VPS35: variants seen among roughly 807,000 people sequenced by gnomAD.
VPS35 encodes the protein VPS35 retromer complex component.
Under a neutral mutation model 98.1 loss-of-function variants are expected in VPS35, and 21 were observed. The observed-to-expected ratio is 0.21, with a 90% confidence interval of 0.15 to 0.31. The LOEUF (loss-of-function observed/expected upper bound fraction) is 0.31. VPS35 is among the 10% of genes least tolerant of loss of function. The probability of loss-of-function intolerance (pLI) is 1.00; values close to 1 mark genes in which losing one functional copy is unlikely to be tolerated. For synonymous variants in VPS35, 268 were observed against 318.2 expected (o/e 0.84, Z 1.68); for missense variants, 554 against 950.8 (o/e 0.58, Z 5.49).
chr16:46,663,564 A>AGGGGCGGGGTTTCACCAAGT (rs754782966), intron 13 of VPS35, among the ~76,000 whole-genome samples: 1 of 151,112 alleles, frequency 6.6e-6, no homozygotes, highest in Admixed American at 6.6e-5. Flanking sequence ...TATTTTTAGT[A>AGGGGCGGGGTTTCACCAAGT]GGGGCGGGGT....
rs1184407629 is a variant in VPS35, at chr16:46,659,522, TA to T, written c.*949del. The T allele has an allele frequency of 2.6e-5, 4 of 152,198 alleles. No homozygotes were observed. The highest frequency in any genetic ancestry group is 5.9e-5 in the Non-Finnish European group (4 of 68,040). The allele number at this position is 152,198 out of a possible 1,614,324, so 9.4% of individuals were successfully genotyped here. On this transcript the variant is annotated 3_prime_UTR_variant, in exon 17 of 17. Transcript: ENST00000299138. Reference sequence around the variant, plus strand: ...AGGAAAGAAAAGGGGTATAAATGACTAAAAGAGTAGATGCTGCCTTGTTCAA... The same window carrying T: ...AGGAAAGAAAAGGGGTATAAATGACTAAAGAGTAGATGCTGCCTTGTTCAA...
At chr16:46,688,297 T>C in intron 1 of VPS35, 2 of 986,854 alleles carry the variant, frequency 2.0e-6, no homozygotes, top group Non-Finnish European at 2.4e-6. Flanking sequence ...GCTAATAAAA[T>C]GCAAGTGACA....
chr16:46,674,950 T>A lies in VPS35; in HGVS notation c.915-290A>T, dbSNP rs1449173775. Among the ~76,000 whole-genome samples, 2 of 151,744 alleles carry A rather than the reference T, an allele frequency of 1.3e-5. 1 individual carries two copies. The highest frequency in any genetic ancestry group is 4.8e-5 in the African/African-American group (2 of 41,244). ...CTGGGGCTAACAGCATGTGCCACCA[T>A]ACCCAGCTAATTTTTGTGTTTTCTG... is the stretch of plus-strand genomic sequence containing the variant. On this transcript the variant is annotated intron_variant, in intron 8 of 16. Transcript: ENST00000299138.
intron 13 of VPS35, among the ~76,000 whole-genome samples, chr16:46,667,019 T>G (rs1965999995): frequency 6.6e-6 from 1 of 152,172 alleles, no homozygotes. Context: ...GTAGTTCTAG[T>G]TTCAGTTTTT....
intron 3 of VPS35, 53 bp from the exon 4 acceptor site, chr16:46,681,553 C>G: frequency 6.2e-7 from 1 of 1,602,366 alleles, no homozygotes; most frequent in Admixed American, 1.7e-5. Flanking sequence ...CTAAACAAAA[C>G]TTTGAAACTT....
chr16:46,663,862 A>ATT lies in VPS35; in HGVS notation c.1648-702_1648-701dup, dbSNP rs546485076. Among the ~76,000 whole-genome samples the ATT allele has an allele frequency of 1.0e-3, 29 of 28,674 alleles. 3 individuals carry two copies. Among genetic ancestry groups the ATT allele is most frequent in the African/African-American group, 2.8e-3 (22 of 7,754 alleles). 18.8% of individuals were successfully genotyped at this position (28,674 alleles called of 152,430 possible). On this transcript the variant is annotated intron_variant, in intron 13 of 16. Coordinates refer to ENST00000299138, the MANE Select transcript of VPS35 (RefSeq NM_018206.6). Reference sequence around the variant, plus strand: ...AGGCTTGCATCACCACACCTGGCTAATTTTTTTTTTTTTTTTTTTTTTTTT... The same window carrying ATT: ...AGGCTTGCATCACCACACCTGGCTAATTTTTTTTTTTTTTTTTTTTTTTTTTT...
intron 1 of VPS35, among the ~76,000 whole-genome samples, chr16:46,687,374 A>G (rs1966332867): frequency 6.6e-6 from 1 of 152,222 alleles, no homozygotes; most frequent in Non-Finnish European, 1.5e-5. Flanking sequence ...CTTCATTTCC[A>G]ATACATATCC....
chr16:46,679,358 T>C (rs1171226281), intron 5 of VPS35, among the ~76,000 whole-genome samples: 2 of 152,230 alleles, frequency 1.3e-5, no homozygotes, highest in Admixed American at 6.5e-5. Context: ...AGTATAAATT[T>C]AAAGGGCAAA....
Position 46,679,024 on chromosome 16 carries a change from T to C in VPS35, c.639A>G (p.Arg213=), listed in dbSNP as rs1596722240. The change falls in exon 6 of 17, where the codon AGA becomes AGG. Residue 213 remains arginine, a synonymous_variant. Transcript: ENST00000299138. ...TTCCCACTAAAATTCTCAGTTCTTGTCTTTCTCGTTCTCTTTTTTCTCTAT... is the reference window on the plus strand; with the variant it reads ...TTCCCACTAAAATTCTCAGTTCTTGCCTTTCTCGTTCTCTTTTTTCTCTAT... ...SRDREKRERE[R]QELRILVGTN... 2 of 1,614,168 alleles carry C rather than the reference T, an allele frequency of 1.2e-6. No homozygotes were observed. Among genetic ancestry groups the C allele is most frequent in the Middle Eastern group, 3.3e-4 (2 of 6,062 alleles).
intron 1 of VPS35, chr16:46,688,574 T>C (rs1008619243): frequency 2.0e-6 from 2 of 993,400 alleles, no homozygotes; most frequent in Non-Finnish European, 2.4e-6. Flanking sequence ...GAAATTCATG[T>C]AAGCAGGTCC....
Position 46,661,886 on chromosome 16 carries a change from G to A in VPS35, c.2068-25C>T. 6.2e-7 allele frequency: 1 copy of A among 1,613,982 alleles called. No homozygotes were observed. The highest frequency in any genetic ancestry group is 1.1e-5 in the South Asian group (1 of 91,036). ...GCTAAAATAAAAGGGCAGGGGGACA[G>A]TGAAGAGATTAATGAAACATCTCGT... On this transcript the variant is annotated intron_variant, in intron 15 of 16. Coordinates refer to ENST00000299138, the MANE Select transcript of VPS35 (RefSeq NM_018206.6). The surrounding 1 kb of genome is among the most constrained non-coding windows in gnomAD (Gnocchi z 4.3).
At chr16:46,686,586 T>C (rs1364095429) in intron 1 of VPS35, among the ~76,000 whole-genome samples, 2 of 152,202 alleles carry the variant, frequency 1.3e-5, no homozygotes, top group Non-Finnish European at 2.9e-5. Context: ...CAATCTATTT[T>C]TATATATTAC....
At chr16:46,662,947 A>G in intron 14 of VPS35, 36 bp downstream of exon 14, 1 of 1,613,622 alleles carries the variant, frequency 6.2e-7, no homozygotes, top group Non-Finnish European at 8.5e-7. Flanking sequence ...AACCCAGCAG[A>G]GCTGACATGA....
At position 46,660,251 on chromosome 16, in the gene VPS35, T is replaced by C; in HGVS notation, c.*221A>G. The C allele has an allele frequency of 2.9e-6, 1 of 346,696 alleles. No homozygotes were observed. Among genetic ancestry groups the C allele is most frequent in the South Asian group, 3.3e-5 (1 of 30,330 alleles). 21.5% of individuals were successfully genotyped at this position (346,696 alleles called of 1,614,324 possible). A position where few individuals can be genotyped will look rare whatever the true frequency, so the allele number is the denominator to read the frequency against. On this transcript the variant is annotated 3_prime_UTR_variant, in exon 17 of 17. Transcript: ENST00000299138. ...ATTTTAAATTGCAGATCAGTCATGC[T>C]ACTTGGGGTGATCAGAAAGACTTGA...
intron 13 of VPS35, among the ~76,000 whole-genome samples, chr16:46,665,440 T>TA (rs1456405495): frequency 1.3e-5 from 2 of 151,806 alleles, no homozygotes; most frequent in African/African-American, 2.4e-5. Flanking sequence ...CTACAAAAAA[T>TA]AAAAAATTAG....
intron 1 of VPS35, among the ~76,000 whole-genome samples, chr16:46,683,953 C>T (rs1966274859): frequency 6.6e-6 from 1 of 152,164 alleles, no homozygotes; most frequent in African/African-American, 2.4e-5. Flanking sequence ...GTCTCCATCT[C>T]CTGACCTCGT....
At chr16:46,671,075 T>A (rs1966061358) in intron 12 of VPS35, among the ~76,000 whole-genome samples, 1 of 151,914 alleles carries the variant, frequency 6.6e-6, no homozygotes, top group Non-Finnish European at 1.5e-5. Context: ...TTCACAATGA[T>A]TCCCTGTGGA....
At chr16:46,681,032 T>C (rs111238567) in intron 4 of VPS35, among the ~76,000 whole-genome samples, 179 bp from the exon 5 acceptor site, 42 of 142,114 alleles carry the variant, frequency 3.0e-4, no homozygotes, top group African/African-American at 4.1e-4. Flanking sequence ...AAAAAAACTA[T>C]ACACACACAC....
rs968423274 is a variant in VPS35 at position 46,660,392 on chromosome 16, C to G, written c.*80G>C. 1 of 1,574,274 alleles carries G rather than the reference C, an allele frequency of 6.4e-7. No homozygotes were observed. The highest frequency in any genetic ancestry group is 1.3e-5 in the African/African-American group (1 of 74,384). ...CCTACCTCAGCATTTCTGAAAGGCA[C>G]AATCTATGGAAGGGAAACCTAGCGT... On this transcript the variant is annotated 3_prime_UTR_variant, in exon 17 of 17. Transcript: ENST00000299138.
Sources: allele counts gnomAD v4.1 joint callset (sites outside exome capture counted in the v4.1 genomes callset), GRCh38; gene constraint gnomAD v4.1.1; non-coding constraint Gnocchi (gnomAD v3.1); transcripts MANE v1.5; gene names NCBI Gene and HGNC (gene_info 2026-07-23, HGNC 2026-07-21).